The following FAM107B variants were observed in gnomAD, a reference collection of about 807,000 sequenced individuals.
FAM107B encodes the protein family with sequence similarity 107 member B.
Under a neutral mutation model 31.5 loss-of-function variants are expected in FAM107B, and 21 were observed. The ratio of observed to expected loss-of-function variants is 0.67; its 90% confidence interval spans 0.47 to 0.96. The LOEUF is 0.96. Ranked by LOEUF, FAM107B falls within the 40% of genes least tolerant of loss-of-function variation. The pLI is 0.00. For missense variants in FAM107B, 452 were observed against 377.1 expected (o/e 1.20, Z -1.64); for synonymous variants, 157 against 141.5 (o/e 1.11, Z -0.78).
rs150342411 is a variant in FAM107B at position 14,600,084 on chromosome 10, A to C, written c.469+67550T>G. ...ATCTGAGTCCGAATAATGTTCTTAA[A>C]TAAGTCTTCTCACTCTTTCCCCACA... On this transcript the variant is annotated intron_variant, in intron 2 of 4. Coordinates refer to ENST00000181796, the MANE Select transcript of FAM107B (RefSeq NM_031453.4). Among the ~76,000 whole-genome samples the C allele has an allele frequency of 2.0e-3, 309 of 152,252 alleles. 1 individual carries two copies. The highest frequency in any genetic ancestry group is 7.2e-3 in the African/African-American group (299 of 41,554).
At chr10:14,599,352 T>A (rs1852290244) in intron 2 of FAM107B, among the ~76,000 whole-genome samples, 1 of 152,184 alleles carries the variant, frequency 6.6e-6, no homozygotes. Context: ...AAGGGGGTGC[T>A]GTTCTTACAC....
At position 14,530,424 on chromosome 10, in the gene FAM107B, A is replaced by G; in HGVS notation, c.561T>C (p.Pro187=). ...TCAGTTTCTGAGGCCTAATGAGTTCAGGATTGTCATCTTCTATGTAGTCTG... is the reference window on the plus strand; with the variant it reads ...TCAGTTTCTGAGGCCTAATGAGTTCGGGATTGTCATCTTCTATGTAGTCTG... The part of the protein sequence containing the change: ...AEPDYIEDDN[P]ELIRPQKLIN... Residue 187 remains proline, a synonymous_variant, in exon 3 of 5, where the codon CCT becomes CCC. Transcript: ENST00000181796. The G allele has an allele frequency of 2.5e-6, 4 of 1,614,118 alleles. No homozygotes were observed. In the South Asian group the frequency reaches 4.4e-5, roughly 18 times the overall value.
chr10:14,591,205 C>T (rs370493892), intron 2 of FAM107B, among the ~76,000 whole-genome samples: 7 of 152,232 alleles, frequency 4.6e-5, no homozygotes, highest in Non-Finnish European at 8.8e-5. Flanking sequence ...TGCACCATCA[C>T]GGGGAATTCT....
chr10:14,758,153 G>A (rs373349370), intron 1 of FAM107B, among the ~76,000 whole-genome samples: 1 of 152,140 alleles, frequency 6.6e-6, no homozygotes, highest in Non-Finnish European at 1.5e-5. Flanking sequence ...ATTTAAAAAC[G>A]GTGAATACGT....
chr10:14,567,074 A>G (rs963488549), intron 2 of FAM107B, among the ~76,000 whole-genome samples: 1 of 152,140 alleles, frequency 6.6e-6, no homozygotes, highest in African/African-American at 2.4e-5. Flanking sequence ...AATGGTGTGA[A>G]CCCAGGAGGC....
intron 2 of FAM107B, among the ~76,000 whole-genome samples, chr10:14,590,819 T>TA (rs56825676): frequency 0.32 from 45,810 of 141,456 alleles, 7,315 homozygotes; most frequent in Non-Finnish European, 0.37. Context: ...CTGTCTCTAC[T>TA]AAAAAAAAAA....
intron 2 of FAM107B, among the ~76,000 whole-genome samples, chr10:14,620,298 T>A (rs766028607): frequency 6.6e-6 from 1 of 152,198 alleles, no homozygotes; most frequent in Non-Finnish European, 1.5e-5. Flanking sequence ...ATTACAGGCA[T>A]GAGCCACCGC....
intron 1 of FAM107B, among the ~76,000 whole-genome samples, chr10:14,713,291 G>A (rs1313819428): frequency 2.6e-5 from 4 of 152,156 alleles, no homozygotes; most frequent in African/African-American, 7.2e-5. Context: ...ATCACAGCAT[G>A]GATAATGTTA....
chr10:14,774,371 G>T lies in FAM107B; in HGVS notation c.293C>A (p.Ala98Glu). 3 of 1,614,202 alleles carry T rather than the reference G, an allele frequency of 1.9e-6. No homozygotes were observed. The highest frequency in any genetic ancestry group is 2.5e-6 in the Non-Finnish European group (3 of 1,180,036). ...TTCAGGCGTCTCCGCGGGCTGGGCC[G>T]CAGTGCGGTGACTTGAATTCCGATT... ...SANRNSSHRT[A>E]AQPAETPEDV... Residue 98 changes from alanine (A) to glutamate (E), a missense_variant, in exon 1 of 5, where the codon GCG becomes GAG. Physicochemically the swap from Ala to Glu is moderately radical, Grantham distance 107. Transcript: ENST00000181796.
At position 14,576,236 on chromosome 10, in the gene FAM107B, G is replaced by A. The variant is rs1055505437; in HGVS notation, c.470-45721C>T. ...ATATTTCACCACGATTTTTTAAAAA[G>A]CCACTGAGTTGGCCACGTGCAGTGG... is the stretch of plus-strand genomic sequence containing the variant. On this transcript the variant is annotated intron_variant, in intron 2 of 4. Coordinates refer to ENST00000181796, the MANE Select transcript of FAM107B (RefSeq NM_031453.4). Among the ~76,000 whole-genome samples, 5 of 152,182 alleles carry A rather than the reference G, an allele frequency of 3.3e-5. No homozygotes were observed. The South Asian group carries it at 8.3e-4, about 25-fold the overall frequency.
chr10:14,688,329 G>GACTTCA (rs1385924395), intron 1 of FAM107B, among the ~76,000 whole-genome samples: 4 of 152,130 alleles, frequency 2.6e-5, no homozygotes, highest in Non-Finnish European at 4.4e-5. Context: ...CTTGCAGAAG[G>GACTTCA]CCTATTGTGG....
intron 1 of FAM107B, among the ~76,000 whole-genome samples, chr10:14,691,404 T>C (rs187192442): frequency 6.0e-4 from 91 of 152,348 alleles, no homozygotes; most frequent in Non-Finnish European, 9.4e-4. Context: ...CAGGTTACTC[T>C]GCGGGCCAAG....
intron 1 of FAM107B, among the ~76,000 whole-genome samples, chr10:14,768,424 A>C (rs1388769099): frequency 6.6e-6 from 1 of 152,248 alleles, no homozygotes; most frequent in Non-Finnish European, 1.5e-5. Context: ...TAATCGAAAC[A>C]GTGTGGTACT....
chr10:14,689,145 A>C (rs1195628087), intron 1 of FAM107B, among the ~76,000 whole-genome samples: 1 of 152,104 alleles, frequency 6.6e-6, no homozygotes, highest in Non-Finnish European at 1.5e-5. Flanking sequence ...TCACACCTGT[A>C]ATGGTGGACA....
intron 2 of FAM107B, among the ~76,000 whole-genome samples, chr10:14,564,393 A>C (rs1850491019): frequency 6.6e-6 from 1 of 152,030 alleles, no homozygotes; most frequent in South Asian, 2.1e-4. Flanking sequence ...CCATTTCACC[A>C]TTCTATATCA....
chr10:14,530,474 T>C lies in FAM107B; in HGVS notation c.511A>G (p.Ile171Val). 1 of 1,614,090 alleles carries C rather than the reference T, an allele frequency of 6.2e-7. No individual in the cohort carries two copies. The highest frequency in any genetic ancestry group is 8.5e-7 in the Non-Finnish European group (1 of 1,180,026). Residue 171 changes from isoleucine (I) to valine (V), a missense_variant, in exon 3 of 5, where the codon ATT becomes GTT. Physicochemically the swap from Ile to Val is conservative, Grantham distance 29. Transcript: ENST00000181796. ...GGCTCGGCCATGATGCTTCTTGTAA[T>C]GAGATATGAGTCCTTATGGTCAATA... ...EDIDHKDSYL[I>V]TRSIMAEPDY...
At chr10:14,537,006 G>T (rs1847685641) in intron 2 of FAM107B, among the ~76,000 whole-genome samples, 1 of 152,104 alleles carries the variant, frequency 6.6e-6, no homozygotes, top group Non-Finnish European at 1.5e-5. Context: ...GAGGAGGAGG[G>T]AGTGACAACT....
At chr10:14,673,101 C>T (rs1854599242) in intron 1 of FAM107B, among the ~76,000 whole-genome samples, 1 of 152,126 alleles carries the variant, frequency 6.6e-6, no homozygotes, top group Admixed American at 6.5e-5. Context: ...TTAGCCTGTC[C>T]GTCACCTCAA....
chr10:14,609,774 G>A (rs1253094444), intron 2 of FAM107B, among the ~76,000 whole-genome samples: 1 of 152,184 alleles, frequency 6.6e-6, no homozygotes, highest in Non-Finnish European at 1.5e-5. Context: ...AGGAATTGTG[G>A]AGGCTATCTT....
Sources: gnomAD v4.1 joint callset for allele counts (sites outside exome capture counted in the v4.1 genomes callset) on GRCh38, gnomAD v4.1.1 for gene constraint, MANE v1.5 for transcripts, NCBI Gene and HGNC (gene_info 2026-07-23, HGNC 2026-07-21) for gene names.